LRRC69: variants seen among roughly 807,000 people sequenced by gnomAD.
The protein encoded by LRRC69 is leucine-rich repeat-containing protein 69.
Under a neutral mutation model 37.8 loss-of-function variants are expected in LRRC69, and 42 were observed. That is an observed-to-expected ratio of 1.11 (90% CI 0.87 to 1.44). The LOEUF is 1.44. Among genes scored for constraint, LRRC69 ranks in the 40% most tolerant of loss-of-function variants. LRRC69 has a pLI of 0.00. For synonymous variants in LRRC69, 141 were observed against 143.1 expected (o/e 0.99, Z 0.11); for missense variants, 357 against 401.9 (o/e 0.89, Z 0.96).
At chr8:91,138,060 C>T (rs1808451419) in intron 5 of LRRC69, among the ~76,000 whole-genome samples, 2 of 151,962 alleles carry the variant, frequency 1.3e-5, no homozygotes, top group South Asian at 4.1e-4. Context: ...ATTTCTTCAT[C>T]TATATAACGA....
chr8:91,166,615 G>T (rs1278124335), intron 5 of LRRC69, among the ~76,000 whole-genome samples: 2 of 150,980 alleles, frequency 1.3e-5, no homozygotes, highest in Middle Eastern at 3.4e-3. Context: ...GATATGCTCT[G>T]TAAAGCAAGA....
At chr8:91,157,725 G>T (rs1325060289) in intron 5 of LRRC69, 11 of 1,604,306 alleles carry the variant, frequency 6.9e-6, no homozygotes, top group Non-Finnish European at 9.4e-6. Flanking sequence ...GTGAACCAAT[G>T]CAGGTGGCAG....
chr8:91,193,739 A>C (rs1295075663), intron 6 of LRRC69, among the ~76,000 whole-genome samples: 1 of 137,504 alleles, frequency 7.3e-6, no homozygotes, highest in Non-Finnish European at 1.5e-5. Context: ...CAGCTTAAGG[A>C]GATTTTGGGC....
intron 5 of LRRC69, among the ~76,000 whole-genome samples, chr8:91,149,442 A>G (rs922068034): frequency 6.6e-6 from 1 of 151,842 alleles, no homozygotes; most frequent in African/African-American, 2.4e-5. Context: ...CCATTGGTCT[A>G]TATCTCTGTT....
chr8:91,214,881 C>T (rs1810010826), intron 7 of LRRC69, among the ~76,000 whole-genome samples: 1 of 151,492 alleles, frequency 6.6e-6, no homozygotes, highest in African/African-American at 2.4e-5. Context: ...CAAGATTTTG[C>T]AGGCTGGGTT....
chr8:91,206,920 C>A, intron 7 of LRRC69: 1 of 1,083,690 alleles, frequency 9.2e-7, no homozygotes, highest in Non-Finnish European at 1.2e-6. Flanking sequence ...ATTCCTGATC[C>A]TTAACCAGAG....
At chr8:91,148,053 G>A (rs1256255152) in intron 5 of LRRC69, among the ~76,000 whole-genome samples, 2 of 151,302 alleles carry the variant, frequency 1.3e-5, no homozygotes, top group Non-Finnish European at 3.0e-5. Flanking sequence ...GCCTTTTTAT[G>A]GCTGCATACT....
chr8:91,207,355 G>A (rs1191191076), intron 7 of LRRC69, among the ~76,000 whole-genome samples: 1 of 152,246 alleles, frequency 6.6e-6, no homozygotes, highest in Non-Finnish European at 1.5e-5. Flanking sequence ...AACAAAGGTA[G>A]CATATAGTAG....
At chr8:91,194,333 C>T (rs1024266725) in intron 6 of LRRC69, among the ~76,000 whole-genome samples, 3 of 150,942 alleles carry the variant, frequency 2.0e-5, no homozygotes, top group Non-Finnish European at 4.4e-5. Flanking sequence ...CTCTGCCAGG[C>T]TTTGGTATCA....
chr8:91,179,755 A>G (rs1024385034), intron 5 of LRRC69, among the ~76,000 whole-genome samples: 18 of 152,234 alleles, frequency 1.2e-4, no homozygotes, highest in African/African-American at 4.3e-4. Flanking sequence ...ACATTTATGT[A>G]TTAAACGTAT....
intron 5 of LRRC69, chr8:91,157,732 G>T (rs1808861838): frequency 1.1e-5 from 18 of 1,605,034 alleles, no homozygotes; most frequent in Non-Finnish European, 1.4e-5. Context: ...AATGCAGGTG[G>T]CAGTCTGAGG....
chr8:91,105,332 T>A (rs1002507423), intron 1 of LRRC69, among the ~76,000 whole-genome samples: 2 of 151,280 alleles, frequency 1.3e-5, no homozygotes, highest in Non-Finnish European at 2.9e-5. Flanking sequence ...CCTCAAAGAA[T>A]GGTTGTAGAT....
At chr8:91,160,829 A>G (rs1465280166) in intron 5 of LRRC69, among the ~76,000 whole-genome samples, 2 of 151,256 alleles carry the variant, frequency 1.3e-5, no homozygotes, top group Admixed American at 1.3e-4. Context: ...TAAGAGTGGT[A>G]AAAAATAGGC....
intron 6 of LRRC69, among the ~76,000 whole-genome samples, chr8:91,193,358 A>C (rs1327518005): frequency 4.1e-4 from 59 of 142,396 alleles, no homozygotes; most frequent in African/African-American, 1.5e-3. Flanking sequence ...TATGAACTTT[A>C]AAGTAGTTTT....
chr8:91,164,504 G>A (rs951283801), intron 5 of LRRC69, among the ~76,000 whole-genome samples: 5 of 151,606 alleles, frequency 3.3e-5, no homozygotes, highest in African/African-American at 1.2e-4. Context: ...TACTCAGAAT[G>A]GTTAGCTATG....
intron 5 of LRRC69, among the ~76,000 whole-genome samples, chr8:91,181,192 G>GA (rs991495521): frequency 6.6e-6 from 1 of 151,910 alleles, no homozygotes; most frequent in East Asian, 1.9e-4. Flanking sequence ...AATATATGGA[G>GA]AAAAAAAGAT....
intron 7 of LRRC69, among the ~76,000 whole-genome samples, chr8:91,204,675 C>T (rs1041773698): frequency 6.6e-6 from 1 of 152,212 alleles, no homozygotes; most frequent in African/African-American, 2.4e-5. Context: ...CAGGGACAAT[C>T]GATGAGTGCA....
At chr8:91,183,907 A>G (rs983518766) in intron 5 of LRRC69, among the ~76,000 whole-genome samples, 3 of 152,196 alleles carry the variant, frequency 2.0e-5, no homozygotes, top group Non-Finnish European at 4.4e-5. Context: ...TGAAACGAGA[A>G]GGTTGAGTGT....
intron 5 of LRRC69, among the ~76,000 whole-genome samples, chr8:91,147,648 A>G (rs1808645927): frequency 6.6e-6 from 1 of 151,722 alleles, no homozygotes. Context: ...GATACTTCTT[A>G]ATGACACATT....
Sources: gnomAD v4.1 joint callset for allele counts (sites outside exome capture counted in the v4.1 genomes callset) on GRCh38, gnomAD v4.1.1 for gene constraint, MANE v1.5 for transcripts, NCBI Gene and HGNC (gene_info 2026-07-23, HGNC 2026-07-21) for gene names.